GALNT13: variants seen among roughly 807,000 people sequenced by gnomAD.
GALNT13 encodes UDP-GalNAc:polypeptide N-acetylgalactosaminyltransferase 13.
Under a neutral mutation model 64.2 loss-of-function variants are expected in GALNT13, and 28 were observed. The ratio of observed to expected loss-of-function variants is 0.44; its 90% CI spans 0.32 to 0.60. GALNT13 has a LOEUF of 0.60. GALNT13 is among the 20% of genes least tolerant of loss of function. GALNT13 has a pLI of 0.05. For synonymous variants in GALNT13, 214 were observed against 224.6 expected (o/e 0.95, Z 0.42); for missense variants, 577 against 669.8 (o/e 0.86, Z 1.53).
At chr2:154,104,085 T>A (rs1325862795) in intron 3 of GALNT13, among the ~76,000 whole-genome samples, 1 of 151,934 alleles carries the variant, frequency 6.6e-6, no homozygotes, top group Non-Finnish European at 1.5e-5. Flanking sequence ...CCAGCTTGGG[T>A]GCAGACGGAC....
the GALNT13 span, chr2:153,478,396 A>T: frequency 1.2e-6 from 2 of 1,614,186 alleles, no homozygotes; most frequent in Non-Finnish European, 1.7e-6. Flanking sequence ...CGCGATCTGC[A>T]CCACGCGCAT....
At chr2:153,694,258 C>A in the GALNT13 span, among the ~76,000 whole-genome samples, 4 of 152,134 alleles carry the variant, frequency 2.6e-5, no homozygotes. Flanking sequence ...TTTTCTTTCA[C>A]AAGGTACAAG....
chr2:153,729,964 C>T, the GALNT13 span, among the ~76,000 whole-genome samples: 3 of 151,678 alleles, frequency 2.0e-5, no homozygotes, highest in South Asian at 2.1e-4. Context: ...AAAAAAAAAT[C>T]CCATGTTCGT....
intron 3 of GALNT13, among the ~76,000 whole-genome samples, chr2:154,048,767 C>T (rs1425864375): frequency 1.3e-5 from 2 of 151,968 alleles, no homozygotes; most frequent in East Asian, 3.9e-4. Flanking sequence ...ATTGTAATTA[C>T]TTACTTATAT....
At chr2:154,145,100 C>CTATCTATATATATA (rs796615512) in intron 4 of GALNT13, among the ~76,000 whole-genome samples, 6 of 119,532 alleles carry the variant, frequency 5.0e-5, no homozygotes, top group African/African-American at 1.5e-4. Context: ...ATCTATCTAT[C>CTATCTATATATATA]TATATATATA....
rs1357510203 is a variant in GALNT13 at position 154,039,259 on chromosome 2, A to AT, written c.142+94621dup. Among the ~76,000 whole-genome samples the AT allele has an allele frequency of 4.1e-3, 412 of 100,724 alleles. 13 individuals carry two copies. The highest frequency in any genetic ancestry group is 0.02 in the Middle Eastern group (3 of 148). 66.1% of individuals were successfully genotyped at this position (100,724 alleles called of 152,430 possible). On this transcript the variant is annotated intron_variant, in intron 3 of 12. Transcript: ENST00000392825. ...TATGATCCAGTAATCCCACTAATGGATATTTATCCAAATGAAAATAAATCA... is the reference window on the plus strand; with the variant it reads ...TATGATCCAGTAATCCCACTAATGGATTATTTATCCAAATGAAAATAAATCA...
chr2:153,343,446 A>G, the GALNT13 span, among the ~76,000 whole-genome samples: 2 of 152,182 alleles, frequency 1.3e-5, no homozygotes, highest in Admixed American at 6.5e-5. Flanking sequence ...CCAACTTACC[A>G]TGCACATTAG....
chr2:153,701,808 A>G, the GALNT13 span, among the ~76,000 whole-genome samples: 8 of 152,344 alleles, frequency 5.3e-5, no homozygotes, highest in Admixed American at 4.6e-4. Flanking sequence ...CAAAATGGCA[A>G]TTATTAAAAA....
chr2:153,756,099 A>AC, the GALNT13 span, among the ~76,000 whole-genome samples: 2 of 152,160 alleles, frequency 1.3e-5, no homozygotes, highest in African/African-American at 4.8e-5. Flanking sequence ...TGGTAAGTAC[A>AC]CATTATGTCT....
Position 153,972,039 on chromosome 2 carries a change from T to A in GALNT13, c.142+27400T>A, listed in dbSNP as rs148817746. ...GAAGGCAGAGAGTATAGTTATGTTG[T>A]CACATACCAAGGAATGCTTGGGGTC... On this transcript the variant is annotated intron_variant, in intron 3 of 12. Transcript: ENST00000392825. 7.8e-3 allele frequency among the ~76,000 whole-genome samples: 1,182 copies of A among 152,116 alleles called. 18 individuals are homozygous for A. The highest frequency in any genetic ancestry group is 0.027 in the African/African-American group (1,135 of 41,530).
At chr2:154,032,241 G>A (rs573130778) in intron 3 of GALNT13, among the ~76,000 whole-genome samples, 12 of 151,936 alleles carry the variant, frequency 7.9e-5, no homozygotes, top group Middle Eastern at 3.4e-3. Context: ...TATACAACAC[G>A]AACTTTCACT....
chr2:153,547,360 A>G, the GALNT13 span, among the ~76,000 whole-genome samples: 1 of 152,240 alleles, frequency 6.6e-6, no homozygotes, highest in Non-Finnish European at 1.5e-5. Flanking sequence ...CTGCTGATGT[A>G]TAACACAATA....
the GALNT13 span, among the ~76,000 whole-genome samples, chr2:153,758,751 C>A: frequency 6.6e-6 from 1 of 151,986 alleles, no homozygotes; most frequent in Non-Finnish European, 1.5e-5. Context: ...TGTGCCGCAC[C>A]CAGCTAATTT....
intron 4 of GALNT13, among the ~76,000 whole-genome samples, chr2:154,208,624 C>G (rs1473690325): frequency 2.8e-5 from 4 of 140,364 alleles, no homozygotes; most frequent in Admixed American, 2.1e-4. Flanking sequence ...TTTTGCGTGT[C>G]TGTGTGTGTG....
intron 9 of GALNT13, among the ~76,000 whole-genome samples, chr2:154,394,333 CATAA>C (rs1255508450): frequency 1.3e-5 from 2 of 151,890 alleles, no homozygotes; most frequent in African/African-American, 2.4e-5. Flanking sequence ...TTTCATTGTC[CATAA>C]ATAAAGTTTT....
At chr2:154,455,729 T>C (rs998162939), downstream of GALNT13, among the ~76,000 whole-genome samples, 2 of 152,222 alleles carry the variant, frequency 1.3e-5, no homozygotes, top group Non-Finnish European at 2.9e-5. Flanking sequence ...TGTATATGTG[T>C]AGCCCAGTTT....
At chr2:153,161,583 A>T in the GALNT13 span, among the ~76,000 whole-genome samples, 3 of 152,060 alleles carry the variant, frequency 2.0e-5, no homozygotes, top group African/African-American at 7.2e-5. Flanking sequence ...AGAGTGTGTC[A>T]GGAAGATATC....
the GALNT13 span, among the ~76,000 whole-genome samples, chr2:153,133,842 A>C: frequency 6.6e-6 from 1 of 152,186 alleles, no homozygotes; most frequent in Non-Finnish European, 1.5e-5. Flanking sequence ...CAGCCTTGTA[A>C]CTGGAAGATA....
the GALNT13 span, among the ~76,000 whole-genome samples, chr2:153,855,536 T>G: frequency 6.6e-6 from 1 of 152,158 alleles, no homozygotes; most frequent in Admixed American, 6.6e-5. Flanking sequence ...AAAGCCACAA[T>G]GAGACACCAC....
Sources: gnomAD v4.1 joint callset for allele counts (sites outside exome capture counted in the v4.1 genomes callset) on GRCh38, gnomAD v4.1.1 for gene constraint, MANE v1.5 for transcripts, NCBI Gene and HGNC (gene_info 2026-07-23, HGNC 2026-07-21) for gene names.